Variants in TG observed in about 807,000 individuals in gnomAD.
The protein encoded by TG is thyroid hormones.
A neutral mutation model predicts 324.7 loss-of-function variants in TG; 270 were observed. The ratio of observed to expected loss-of-function variants is 0.83; its 90% CI spans 0.75 to 0.92. TG has a LOEUF of 0.92. TG is among the 40% of genes least tolerant of loss of function. The pLI, the probability that TG is intolerant of heterozygous loss-of-function variation, is 0.00. For missense variants in TG, 3,591 were observed against 3,456.4 expected (o/e 1.04, Z -0.98); for synonymous variants, 1,401 against 1,327.0 (o/e 1.06, Z -1.21).
intron 1 of TG, among the ~76,000 whole-genome samples, chr8:132,867,452 G>A (rs967105441): frequency 2.7e-5 from 4 of 150,708 alleles, no homozygotes; most frequent in African/African-American, 9.8e-5. Flanking sequence ...CCTATGAAGT[G>A]AAATAGCCCT....
chr8:132,912,926 C>A, intron 19 of TG, 121 bp from the exon 20 acceptor site: 1 of 949,816 alleles, frequency 1.1e-6, no homozygotes, highest in African/African-American at 1.6e-5. Context: ...AAATGAGACA[C>A]CACATGATGC....
At chr8:132,925,518 T>TGC (rs1563962353) in intron 22 of TG, among the ~76,000 whole-genome samples, 4 of 141,152 alleles carry the variant, frequency 2.8e-5, no homozygotes, top group East Asian at 2.0e-4. Flanking sequence ...AAGGAGTGCG[T>TGC]GTGTGTGTGT....
intron 41 of TG, chr8:133,045,233 G>A: frequency 1.0e-6 from 1 of 975,456 alleles, no homozygotes; most frequent in Non-Finnish European, 1.6e-6. Flanking sequence ...ATACAACAGT[G>A]ATGCTAGGAT....
Position 133,060,318 on chromosome 8 carries a change from C to T in TG, c.7239+30295C>T, listed in dbSNP as rs766116939. The T allele has an allele frequency of 9.7e-5, 151 of 1,558,258 alleles. 1 individual carries two copies. The South Asian group carries it at 1.4e-3, about 15-fold the overall frequency. ...TTCTGGCAGCTTGCTTCTTGAAAGG[C>T]GGCTGTTTATATGTGAAGATGAGAT... On this transcript the variant is annotated intron_variant, in intron 41 of 47. Coordinates refer to ENST00000220616, the MANE Select transcript of TG (RefSeq NM_003235.5).
Position 133,029,693 on chromosome 8 carries a change from T to C in TG, c.7037-128T>C. 8.1e-6 allele frequency: 9 copies of C among 1,111,980 alleles called. No individual in the cohort carries two copies. In the South Asian group the frequency reaches 1.2e-4, roughly 15 times the overall value. The allele number at this position is 1,111,980 out of a possible 1,614,324, so 68.9% of individuals were successfully genotyped here. A position where few individuals can be genotyped will look rare whatever the true frequency, so the allele number is the denominator to read the frequency against. ...CACTGTATTTGGAACCCACAGTCTC[T>C]ACCTGTGAGGACAAGAGCCCAGAGC... On this transcript the variant is annotated intron_variant, in intron 40 of 47. Transcript: ENST00000220616.
intron 43 of TG, among the ~76,000 whole-genome samples, chr8:133,100,383 C>A (rs1385565812): frequency 2.6e-5 from 4 of 152,158 alleles, no homozygotes; most frequent in Non-Finnish European, 5.9e-5. Context: ...GTCTTTCTTC[C>A]CCAACTAGAA....
rs186232370 is a variant in TG, at chr8:132,917,035, C to T, written c.4379-2341C>T. ...CCTTCCTCCCTCCATGCCTCCCTCC[C>T]TCCCTCCCTCCTTCCTTCCTTCCTT... is the stretch of plus-strand genomic sequence containing the variant. On this transcript the variant is annotated intron_variant, in intron 20 of 47. Coordinates refer to ENST00000220616, the MANE Select transcript of TG (RefSeq NM_003235.5). Among the ~76,000 whole-genome samples, 540 of 84,526 alleles carry T rather than the reference C, an allele frequency of 6.4e-3. 4 individuals are homozygous for T. The highest frequency in any genetic ancestry group is 0.019 in the African/African-American group (486 of 25,662). The allele number at this position is 84,526 out of a possible 152,430, so 55.5% of individuals were successfully genotyped here. A position where few individuals can be genotyped will look rare whatever the true frequency, so the allele number is the denominator to read the frequency against.
intron 41 of TG, among the ~76,000 whole-genome samples, chr8:133,054,100 GAA>G (rs1362305876): frequency 6.6e-6 from 1 of 152,122 alleles, no homozygotes; most frequent in Non-Finnish European, 1.5e-5. Context: ...GGTTGCTACA[GAA>G]AAATAAATGC....
chr8:133,080,228 C>G (rs1845540851), intron 41 of TG, among the ~76,000 whole-genome samples: 1 of 152,116 alleles, frequency 6.6e-6, no homozygotes, highest in Admixed American at 6.5e-5. Flanking sequence ...GTTCAAGGAG[C>G]AGACAGAAAG....
rs377450856 is a variant in TG, at chr8:132,942,092, G to A, written c.5233+550G>A. Among the ~76,000 whole-genome samples the A allele has an allele frequency of 3.3e-5, 5 of 152,300 alleles. No homozygotes were observed. The South Asian group carries it at 6.2e-4, about 19-fold the overall frequency. On this transcript the variant is annotated intron_variant, in intron 26 of 47. Transcript: ENST00000220616. ...ATCTCAGCAATGGAGGTGCCCTTCT[G>A]TTTATGGAAATAAATTCATGTACTC...
Position 132,867,006 on chromosome 8 carries a change from C to T in TG, c.6C>T (p.Ala2=), listed in dbSNP as rs1420201079. M[A]LVLEIFTLLA... is the part of the protein sequence containing the mutation. ...TCCCAGGAAGGGCCAGGAAAATGGC[C>T]CTGGTCCTGGAGATCTTCACCCTGC... Residue 2 remains alanine, a synonymous_variant, in exon 1 of 48, where the codon GCC becomes GCT. Coordinates refer to ENST00000220616, the MANE Select transcript of TG (RefSeq NM_003235.5). 1 of 1,595,158 alleles carries T rather than the reference C, an allele frequency of 6.3e-7. No homozygotes were observed. The highest frequency in any genetic ancestry group is 8.6e-7 in the Non-Finnish European group (1 of 1,169,320).
At chr8:132,889,565 C>A (rs1339932626) in intron 10 of TG, among the ~76,000 whole-genome samples, 1 of 152,170 alleles carries the variant, frequency 6.6e-6, no homozygotes, top group Admixed American at 6.5e-5. Flanking sequence ...AGCAATAGAA[C>A]CCTCAAGGTT....
chr8:133,024,494 A>G (rs1420679944), intron 40 of TG, among the ~76,000 whole-genome samples: 2 of 151,828 alleles, frequency 1.3e-5, no homozygotes, highest in African/African-American at 4.8e-5. Flanking sequence ...TGCACCCATC[A>G]ACCTGTAATC....
intron 41 of TG, chr8:133,040,220 C>G (rs570522948): frequency 7.2e-7 from 1 of 1,392,690 alleles, no homozygotes; most frequent in Non-Finnish European, 9.8e-7. Flanking sequence ...CAGTGCAGCT[C>G]CCTGGCTGCT....
chr8:133,026,015 A>G (rs1247915881), intron 40 of TG, among the ~76,000 whole-genome samples: 3 of 151,942 alleles, frequency 2.0e-5, no homozygotes, highest in Non-Finnish European at 4.4e-5. Context: ...AAGCACCAGG[A>G]CTCACCCATG....
At chr8:132,958,457 C>T (rs1421358390) in intron 27 of TG, among the ~76,000 whole-genome samples, 2 of 152,138 alleles carry the variant, frequency 1.3e-5, no homozygotes, top group South Asian at 2.1e-4. Context: ...CGGTGGCTCA[C>T]ACCTGTAATC....
intron 41 of TG, among the ~76,000 whole-genome samples, chr8:133,070,537 C>G (rs1030964116): frequency 2.0e-5 from 3 of 152,090 alleles, no homozygotes; most frequent in African/African-American, 4.8e-5. Context: ...TGCTCAGGGT[C>G]GTACAGCTAG....
At chr8:133,028,165 C>T (rs1836280316) in intron 40 of TG, among the ~76,000 whole-genome samples, 1 of 152,174 alleles carries the variant, frequency 6.6e-6, no homozygotes, top group African/African-American at 2.4e-5. Context: ...CCTCCTTGTC[C>T]CTGGTATACA....
intron 41 of TG, among the ~76,000 whole-genome samples, chr8:133,072,184 G>GAGTGAAGT (rs1844161761): frequency 6.6e-6 from 1 of 152,184 alleles, no homozygotes; most frequent in South Asian, 2.1e-4. Flanking sequence ...TGGTGCTAAG[G>GAGTGAAGT]AGCGAAGTGT....
Sources: allele counts gnomAD v4.1 joint callset (sites outside exome capture counted in the v4.1 genomes callset), GRCh38; gene constraint gnomAD v4.1.1; transcripts MANE v1.5; gene names NCBI Gene and HGNC (gene_info 2026-07-23, HGNC 2026-07-21).